The following DPP6 variants were observed in gnomAD, a reference collection of about 807,000 sequenced individuals.
DPP6 encodes A-type potassium channel modulatory protein DPP6.
DPP6 carries 69 observed loss-of-function variants against 122.6 expected under a neutral mutation model. The observed-to-expected ratio is 0.56, with a 90% CI of 0.46 to 0.69. DPP6 has a LOEUF of 0.69. Ranked by LOEUF, DPP6 falls within the 30% of genes least tolerant of loss-of-function variation. The probability of loss-of-function intolerance (pLI) is 0.00; values close to 1 mark genes in which losing one functional copy is unlikely to be tolerated. For synonymous variants in DPP6, 418 were observed against 433.1 expected (o/e 0.97, Z 0.43); for missense variants, 928 against 1,116.9 (o/e 0.83, Z 2.41).
chr7:153,910,051 G>A (rs925641336), intron 1 of DPP6, among the ~76,000 whole-genome samples: 2 of 152,048 alleles, frequency 1.3e-5, no homozygotes, highest in Admixed American at 6.6e-5. Flanking sequence ...TCTGGGTTTC[G>A]AGTATTCATT....
intron 1 of DPP6, among the ~76,000 whole-genome samples, chr7:153,981,760 T>TTTGC (rs1405995968): frequency 6.6e-6 from 1 of 152,214 alleles, no homozygotes; most frequent in Non-Finnish European, 1.5e-5. Flanking sequence ...TCTCTCAGCA[T>TTTGC]TTGCTTGTCT....
chr7:153,864,417 G>C, the DPP6 span, among the ~76,000 whole-genome samples: 1 of 152,092 alleles, frequency 6.6e-6, no homozygotes, highest in Admixed American at 6.6e-5. Flanking sequence ...CACTTTGAGA[G>C]GCTGAGGCAG....
At chr7:153,805,175 T>G in the DPP6 span, among the ~76,000 whole-genome samples, 3 of 152,236 alleles carry the variant, frequency 2.0e-5, no homozygotes, top group Admixed American at 6.5e-5. Context: ...ATTTCAAATT[T>G]TAAGTGCCAA....
intron 1 of DPP6, among the ~76,000 whole-genome samples, chr7:154,237,982 G>C (rs73165272): frequency 8.8e-4 from 134 of 152,322 alleles, no homozygotes; most frequent in Middle Eastern, 3.4e-3. Flanking sequence ...TCGTGTCTGA[G>C]AGAGGATCCC....
At chr7:154,045,648 T>C (rs1799983941) in intron 1 of DPP6, among the ~76,000 whole-genome samples, 1 of 152,204 alleles carries the variant, frequency 6.6e-6, no homozygotes, top group African/African-American at 2.4e-5. Flanking sequence ...TGTGAACACA[T>C]TTGCAAGCTA....
chr7:154,200,641 T>C (rs1352178281), intron 1 of DPP6, among the ~76,000 whole-genome samples: 3 of 152,358 alleles, frequency 2.0e-5, no homozygotes, highest in East Asian at 3.9e-4. Context: ...TCGTGAGGAC[T>C]CTGAAGAATG....
chr7:154,439,089 A>G (rs1386572797), intron 1 of DPP6, among the ~76,000 whole-genome samples: 2 of 152,106 alleles, frequency 1.3e-5, no homozygotes, highest in Admixed American at 6.5e-5. Flanking sequence ...CTGCCATTCA[A>G]TTGCTGGTGG....
chr7:154,348,535 C>A (rs978689674), intron 1 of DPP6, among the ~76,000 whole-genome samples: 2 of 152,096 alleles, frequency 1.3e-5, no homozygotes, highest in Admixed American at 6.5e-5. Context: ...ATCATAGAAA[C>A]AAACCCAAAG....
the DPP6 span, among the ~76,000 whole-genome samples, chr7:153,836,205 A>G: frequency 3.9e-5 from 6 of 152,350 alleles, no homozygotes; most frequent in South Asian, 1.2e-3. Flanking sequence ...CTGGAGGCCA[A>G]TGCAAATCAA....
intron 1 of DPP6, among the ~76,000 whole-genome samples, chr7:153,956,424 C>A (rs944676974): frequency 3.9e-5 from 6 of 152,152 alleles, no homozygotes; most frequent in Admixed American, 3.3e-4. Context: ...AGGAGATGGA[C>A]GAGCATCATG....
intron 2 of DPP6, among the ~76,000 whole-genome samples, chr7:154,463,408 C>T (rs1057375587): frequency 5.3e-5 from 8 of 151,802 alleles, no homozygotes; most frequent in East Asian, 3.9e-4. Context: ...GGGGTTTCAC[C>T]GTGTTAGCCA....
intron 7 of DPP6, among the ~76,000 whole-genome samples, chr7:154,709,420 G>A (rs1361683241): frequency 2.0e-5 from 3 of 152,000 alleles, no homozygotes; most frequent in Admixed American, 6.6e-5. Context: ...GAGTCTTACC[G>A]TGTTGCACAG....
intron 1 of DPP6, among the ~76,000 whole-genome samples, chr7:154,246,283 A>AG (rs1386960625): frequency 6.6e-6 from 1 of 152,162 alleles, no homozygotes; most frequent in African/African-American, 2.4e-5. Flanking sequence ...TTGTTTAAAT[A>AG]GGGAAAAAAA....
chr7:154,573,045 T>G (rs2130582422), intron 5 of DPP6, among the ~76,000 whole-genome samples: 1 of 152,210 alleles, frequency 6.6e-6, no homozygotes, highest in African/African-American at 2.4e-5. Context: ...GGTTCTGATG[T>G]TTACTGCCAT....
At chr7:154,117,391 T>G (rs1018817888) in intron 1 of DPP6, among the ~76,000 whole-genome samples, 4 of 152,230 alleles carry the variant, frequency 2.6e-5, no homozygotes, top group African/African-American at 7.2e-5. Context: ...TCCTATTTTA[T>G]ACTGATGTGC....
chr7:154,637,918 A>G, intron 6 of DPP6, 45 bp downstream of exon 6: 1 of 1,544,052 alleles, frequency 6.5e-7, no homozygotes, highest in South Asian at 1.2e-5. Flanking sequence ...TATGCAGGGC[A>G]AAGTGAAGGG....
intron 1 of DPP6, among the ~76,000 whole-genome samples, chr7:154,121,383 CCTT>C (rs1194746705): frequency 6.6e-6 from 1 of 152,100 alleles, no homozygotes; most frequent in African/African-American, 2.4e-5. Context: ...GATCTTTCTT[CCTT>C]CTTAATATAA....
At chr7:153,864,672 T>TA in the DPP6 span, among the ~76,000 whole-genome samples, 1 of 135,274 alleles carries the variant, frequency 7.4e-6, no homozygotes, top group Middle Eastern at 4.0e-3. Flanking sequence ...ATAATAATAA[T>TA]ACACACACAC....
chr7:154,801,493 A>G lies in DPP6; in HGVS notation c.1407+31A>G. 1.3e-6 allele frequency: 2 copies of G among 1,542,962 alleles called. 1 individual carries two copies. Among genetic ancestry groups the G allele is most frequent in the East Asian group, 4.8e-5 (2 of 41,294 alleles). On this transcript the variant is annotated intron_variant, in intron 13 of 25. Coordinates refer to ENST00000377770, the MANE Select transcript of DPP6 (RefSeq NM_130797.4). ...TCCTGCTAGTTTCCGGAGCTGAACTAGAAACTGGCCTGCTAGAGGCCGTGG... is the reference window on the plus strand; with the variant it reads ...TCCTGCTAGTTTCCGGAGCTGAACTGGAAACTGGCCTGCTAGAGGCCGTGG...
Sources: allele counts gnomAD v4.1 joint callset (sites outside exome capture counted in the v4.1 genomes callset), GRCh38; gene constraint gnomAD v4.1.1; transcripts MANE v1.5; gene names NCBI Gene and HGNC (gene_info 2026-07-23, HGNC 2026-07-21).